KBTBD12: variants seen among roughly 807,000 people sequenced by gnomAD.
The protein encoded by KBTBD12 is kelch repeat and BTB domain-containing protein 12.
A neutral mutation model predicts 58.7 loss-of-function variants in KBTBD12; 53 were observed. The ratio of observed to expected loss-of-function variants is 0.90; its 90% CI spans 0.72 to 1.14. The LOEUF (loss-of-function observed/expected upper bound fraction) is 1.14. Ranked by LOEUF, KBTBD12 falls within the 50% of genes most tolerant of loss-of-function variation. The pLI is 0.00. For synonymous variants in KBTBD12, 236 were observed against 259.8 expected (o/e 0.91, Z 0.88); for missense variants, 704 against 751.3 (o/e 0.94, Z 0.74).
intron 4 of KBTBD12, among the ~76,000 whole-genome samples, chr3:127,945,046 A>G (rs1665618380): frequency 6.7e-6 from 1 of 149,996 alleles, no homozygotes; most frequent in Non-Finnish European, 1.5e-5. Flanking sequence ...CCACCCAGCT[A>G]ATTTTGGTAT....
At chr3:127,955,290 T>A (rs533474221) in intron 4 of KBTBD12, among the ~76,000 whole-genome samples, 3 of 152,342 alleles carry the variant, frequency 2.0e-5, no homozygotes, top group African/African-American at 7.2e-5. Context: ...AGGAAACCAT[T>A]TTGTGCCTCA....
At chr3:127,961,203 T>G (rs1940432373) in intron 4 of KBTBD12, among the ~76,000 whole-genome samples, 1 of 152,190 alleles carries the variant, frequency 6.6e-6, no homozygotes, top group Non-Finnish European at 1.5e-5. Flanking sequence ...ATCCTCCTCT[T>G]TAAGTCCTTC....
At chr3:127,970,456 C>A (rs1442704086) in intron 5 of KBTBD12, among the ~76,000 whole-genome samples, 1 of 152,152 alleles carries the variant, frequency 6.6e-6, no homozygotes, top group Non-Finnish European at 1.5e-5. Context: ...TATATGCCCA[C>A]CCTTGTACCT....
intron 1 of KBTBD12, among the ~76,000 whole-genome samples, chr3:127,918,959 T>C (rs35297142): frequency 0.01 from 1,540 of 152,088 alleles, 14 homozygotes; most frequent in Admixed American, 0.023. Flanking sequence ...TACAAAAGGA[T>C]CCCACCCTTA....
intron 4 of KBTBD12, among the ~76,000 whole-genome samples, chr3:127,955,108 CTG>C (rs1185873169): frequency 1.2e-4 from 18 of 152,226 alleles, no homozygotes; most frequent in Admixed American, 1.2e-3. Flanking sequence ...TTTCACATCT[CTG>C]TAACCTGTCC....
At chr3:127,955,012 T>C (rs1447490417) in intron 4 of KBTBD12, among the ~76,000 whole-genome samples, 1 of 152,226 alleles carries the variant, frequency 6.6e-6, no homozygotes, top group Non-Finnish European at 1.5e-5. Flanking sequence ...GTTGTTTTAC[T>C]CATCTCTGTG....
At chr3:127,960,023 CA>C (rs1196414073) in intron 4 of KBTBD12, among the ~76,000 whole-genome samples, 2 of 152,216 alleles carry the variant, frequency 1.3e-5, no homozygotes, top group African/African-American at 4.8e-5. Flanking sequence ...TGAAGGATTA[CA>C]AACCCCCACC....
intron 4 of KBTBD12, among the ~76,000 whole-genome samples, chr3:127,951,914 T>C (rs546225526): frequency 6.8e-6 from 1 of 147,566 alleles, no homozygotes; most frequent in Non-Finnish European, 1.5e-5. Context: ...GTAGATAAGC[T>C]ACCTTGACTG....
intron 4 of KBTBD12, among the ~76,000 whole-genome samples, chr3:127,953,822 C>T (rs1160620296): frequency 1.3e-5 from 2 of 152,190 alleles, no homozygotes; most frequent in Admixed American, 1.3e-4. Flanking sequence ...CTCCATTGCT[C>T]ATGTGGTTAC....
intron 3 of KBTBD12, among the ~76,000 whole-genome samples, chr3:127,928,981 A>G (rs1939638909): frequency 6.6e-6 from 1 of 152,248 alleles, no homozygotes; most frequent in African/African-American, 2.4e-5. Flanking sequence ...CATCACAGCT[A>G]GCAGGAGAAA....
chr3:127,969,229 G>C (rs541850063), intron 5 of KBTBD12, among the ~76,000 whole-genome samples: 2 of 151,978 alleles, frequency 1.3e-5, no homozygotes, highest in Admixed American at 1.3e-4. Context: ...GTTCAACAAG[G>C]GTGCAGGACA....
chr3:127,926,944 A>G (rs1481090165), intron 2 of KBTBD12, among the ~76,000 whole-genome samples: 1 of 152,132 alleles, frequency 6.6e-6, no homozygotes, highest in Non-Finnish European at 1.5e-5. Context: ...ATCTTCAATC[A>G]TGATTGGAGA....
At chr3:127,969,178 T>C (rs1180839266) in intron 5 of KBTBD12, among the ~76,000 whole-genome samples, 1 of 152,132 alleles carries the variant, frequency 6.6e-6, no homozygotes, top group Non-Finnish European at 1.5e-5. Flanking sequence ...TTCGAAAATC[T>C]TAAGGAATTA....
chr3:127,982,566 C>T (rs1217111297), intron 5 of KBTBD12, among the ~76,000 whole-genome samples: 1 of 152,228 alleles, frequency 6.6e-6, no homozygotes, highest in African/African-American at 2.4e-5. Context: ...CTGTCTTCTG[C>T]CTCGTGCCTC....
At chr3:127,942,771 G>A (rs1187900382) in intron 4 of KBTBD12, among the ~76,000 whole-genome samples, 4 of 151,040 alleles carry the variant, frequency 2.6e-5, no homozygotes, top group Admixed American at 1.3e-4. Flanking sequence ...ACTGGGTAAT[G>A]TATGAGGAAA....
intron 4 of KBTBD12, among the ~76,000 whole-genome samples, chr3:127,950,186 G>C (rs1462095723): frequency 6.6e-6 from 1 of 152,172 alleles, no homozygotes; most frequent in Admixed American, 6.5e-5. Flanking sequence ...TACAAAACAT[G>C]CCTTTGAGCT....
Position 127,922,962 on chromosome 3 carries a change from A to C in KBTBD12, c.-100A>C. 1 of 683,068 alleles carries C rather than the reference A, an allele frequency of 1.5e-6. No individual in the cohort carries two copies. Among genetic ancestry groups the C allele is most frequent in the Non-Finnish European group, 2.5e-6 (1 of 404,248 alleles). 42.3% of individuals were successfully genotyped at this position (683,068 alleles called of 1,614,324 possible). On this transcript the variant is annotated 5_prime_UTR_variant, in exon 2 of 6. Coordinates refer to ENST00000405109, the MANE Select transcript of KBTBD12 (RefSeq NM_207335.4). ...TTCTTTCCCTTAGAAATGTTTCCTG[A>C]CATCTTTGTAGCTTCATGAGTAATC...
chr3:127,915,758 C>T (rs1331406087), intron 1 of KBTBD12, among the ~76,000 whole-genome samples, 172 bp downstream of exon 1: 1 of 152,230 alleles, frequency 6.6e-6, no homozygotes, highest in Non-Finnish European at 1.5e-5. Context: ...AGGTGGGGCT[C>T]CCAGGAGCTG....
intron 5 of KBTBD12, among the ~76,000 whole-genome samples, chr3:127,974,830 T>A (rs1940750547): frequency 6.6e-6 from 1 of 151,980 alleles, no homozygotes; most frequent in Non-Finnish European, 1.5e-5. Context: ...TACAAAAAAA[T>A]TAGCCGGGCA....
Sources: gnomAD v4.1 joint callset for allele counts (sites outside exome capture counted in the v4.1 genomes callset) on GRCh38, gnomAD v4.1.1 for gene constraint, MANE v1.5 for transcripts, NCBI Gene and HGNC (gene_info 2026-07-23, HGNC 2026-07-21) for gene names.